Variants in CWC27 observed in about 807,000 individuals in gnomAD.
CWC27 encodes the protein spliceosome-associated protein CWC27 homolog.
Under a neutral mutation model 63.6 loss-of-function variants are expected in CWC27, and 47 were observed. That is an observed-to-expected ratio of 0.74 (90% CI 0.58 to 0.94). CWC27 has a LOEUF of 0.94. Among genes scored for constraint, CWC27 ranks in the 40% least tolerant of loss-of-function variants. The pLI is 0.00. For missense variants in CWC27, 495 were observed against 554.3 expected, an observed-to-expected ratio of 0.89 and a Z score of 1.07; for synonymous variants, 175 against 179.8, an observed-to-expected ratio of 0.97 and a Z score of 0.22.
In CWC27 at chr5:64,840,379, AAAAAAAAAAAAAAAAATATATATATAT is replaced by A. The variant is rs1460595596; in HGVS notation, c.938+35995_938+36021del. Among the ~76,000 whole-genome samples the A allele has an allele frequency of 3.5e-3, 245 of 70,192 alleles. 6 individuals carry two copies. Among genetic ancestry groups the A allele is most frequent in the African/African-American group, 0.014 (234 of 16,328 alleles). The allele number at this position is 70,192 out of a possible 152,430, so 46.0% of individuals were successfully genotyped here. A position where few individuals can be genotyped will look rare whatever the true frequency, so the allele number is the denominator to read the frequency against. On this transcript the variant is annotated intron_variant, in intron 10 of 13. Transcript: ENST00000381070. ...TTTTTCATTAAAAAAAAAAAAAAAA[AAAAAAAAAAAAAAAAATATATATATAT>A]ATATATATATATATATATATATATA... is the stretch of plus-strand genomic sequence containing the variant.
rs1744723712 is a variant in CWC27 at position 64,807,481 on chromosome 5, C to T, written c.938+3095C>T. On this transcript the variant is annotated intron_variant, in intron 10 of 13. Transcript: ENST00000381070. ...GCTCAGGGGAAATACAAATCCAAAA[C>T]GCTTCCTAGTTTCTCTCCTTAGAGA... The T allele has an allele frequency of 9.1e-6, 12 of 1,312,538 alleles. No individual in the cohort carries two copies. The African/African-American group carries it at 1.2e-4, about 13-fold the overall frequency. 81.3% of individuals were successfully genotyped at this position (1,312,538 alleles called of 1,614,324 possible). A position where few individuals can be genotyped will look rare whatever the true frequency, so the allele number is the denominator to read the frequency against.
chr5:64,800,995 C>G (rs1196270837), intron 8 of CWC27, among the ~76,000 whole-genome samples: 3 of 152,024 alleles, frequency 2.0e-5, no homozygotes, highest in African/African-American at 4.8e-5. Flanking sequence ...ATATTTCAAG[C>G]CAATAAAAGA....
chr5:64,997,698 T>C (rs2112463406), intron 13 of CWC27, among the ~76,000 whole-genome samples: 1 of 152,270 alleles, frequency 6.6e-6, no homozygotes, highest in African/African-American at 2.4e-5. Flanking sequence ...TAATGAACTG[T>C]AGGCTTTTTC....
Position 64,960,628 on chromosome 5 carries a change from GTC to G in CWC27, c.1043-11073_1043-11072del, listed in dbSNP as rs1748889543. ...CATTAACATTTTTTATATCCATCAA[GTC>G]TATTTTGTTAATCAAATGATGTTTA... On this transcript the variant is annotated intron_variant, in intron 11 of 13. Transcript: ENST00000381070. Among the ~76,000 whole-genome samples the G allele has an allele frequency of 2.6e-5, 4 of 152,020 alleles. No individual in the cohort carries two copies. In the South Asian group the frequency reaches 8.3e-4, roughly 32 times the overall value.
At chr5:64,916,541 CCA>C (rs1444283096) in intron 11 of CWC27, among the ~76,000 whole-genome samples, 4 of 152,114 alleles carry the variant, frequency 2.6e-5, no homozygotes, top group African/African-American at 9.7e-5. Context: ...CCAGGGGCAA[CCA>C]CAGAGCCTTC....
At chr5:64,989,618 G>A (rs1473510703) in intron 13 of CWC27, among the ~76,000 whole-genome samples, 2 of 152,204 alleles carry the variant, frequency 1.3e-5, no homozygotes, top group Non-Finnish European at 2.9e-5. Context: ...AAGAAAGGGA[G>A]GGATTGGTAT....
chr5:64,851,844 G>C (rs1466514571), intron 10 of CWC27, among the ~76,000 whole-genome samples: 6 of 152,134 alleles, frequency 3.9e-5, no homozygotes, highest in Non-Finnish European at 5.9e-5. Flanking sequence ...TATGCAGAAT[G>C]CTCATTTATT....
chr5:64,878,728 A>G (rs1048259474), intron 10 of CWC27, among the ~76,000 whole-genome samples: 7 of 151,904 alleles, frequency 4.6e-5, no homozygotes, highest in African/African-American at 1.7e-4. Flanking sequence ...AGTAGTGGAA[A>G]TGGCATGAAC....
intron 11 of CWC27, among the ~76,000 whole-genome samples, chr5:64,946,839 T>C (rs1171593862): frequency 2.0e-5 from 3 of 152,116 alleles, no homozygotes; most frequent in Admixed American, 2.0e-4. Context: ...TCCTTGCAGC[T>C]GATGAGGACT....
intron 11 of CWC27, among the ~76,000 whole-genome samples, chr5:64,971,324 A>G (rs1180142751): frequency 6.6e-6 from 1 of 152,216 alleles, no homozygotes; most frequent in Non-Finnish European, 1.5e-5. Context: ...ATATCAACCA[A>G]TATTTGGAAG....
chr5:65,001,167 G>T (rs575068043), intron 13 of CWC27, among the ~76,000 whole-genome samples: 81 of 151,964 alleles, frequency 5.3e-4, no homozygotes, highest in Non-Finnish European at 1.0e-3. Flanking sequence ...TTGTATGTTG[G>T]GCTTTTGTCC....
intron 11 of CWC27, among the ~76,000 whole-genome samples, chr5:64,925,169 C>G (rs1448676075): frequency 6.6e-6 from 1 of 152,158 alleles, no homozygotes; most frequent in African/African-American, 2.4e-5. Flanking sequence ...AAGAATCTTA[C>G]AGTTTCAAAT....
chr5:64,988,672 T>C (rs556095304), intron 13 of CWC27, among the ~76,000 whole-genome samples: 1 of 151,792 alleles, frequency 6.6e-6, no homozygotes, highest in South Asian at 2.1e-4. Flanking sequence ...GGTGCAATCT[T>C]GGCTCACTGC....
At chr5:64,932,278 C>T (rs1310259454) in intron 11 of CWC27, among the ~76,000 whole-genome samples, 1 of 152,038 alleles carries the variant, frequency 6.6e-6, no homozygotes, top group Non-Finnish European at 1.5e-5. Context: ...AGTGTATGCA[C>T]ACCTTCAACT....
At chr5:64,906,165 C>A (rs1580717746) in intron 11 of CWC27, among the ~76,000 whole-genome samples, 2 of 152,082 alleles carry the variant, frequency 1.3e-5, no homozygotes, top group Non-Finnish European at 2.9e-5. Flanking sequence ...TTTATAGTAG[C>A]ATGATTTATA....
chr5:64,823,110 G>C (rs1427861267), intron 10 of CWC27, among the ~76,000 whole-genome samples: 1 of 152,154 alleles, frequency 6.6e-6, no homozygotes, highest in Non-Finnish European at 1.5e-5. Context: ...TTCCTCATCA[G>C]TAAAATGCAA....
At chr5:64,882,616 C>T (rs184828499) in intron 10 of CWC27, among the ~76,000 whole-genome samples, 12 of 152,172 alleles carry the variant, frequency 7.9e-5, no homozygotes, top group East Asian at 3.9e-4. Flanking sequence ...TGTTTTGAGA[C>T]GGAGTCTCGC....
chr5:65,005,150 G>A (rs775407372), intron 13 of CWC27, among the ~76,000 whole-genome samples: 3 of 151,630 alleles, frequency 2.0e-5, no homozygotes, highest in African/African-American at 4.9e-5. Flanking sequence ...TAGCAGGCAG[G>A]GCAGGCCTGT....
intron 13 of CWC27, among the ~76,000 whole-genome samples, chr5:64,997,294 G>A (rs572101532): frequency 7.0e-4 from 107 of 152,174 alleles, no homozygotes; most frequent in Non-Finnish European, 1.4e-3. Context: ...TTCTAACTCT[G>A]TGCCCTAAAG....
Sources: allele counts gnomAD v4.1 joint callset (sites outside exome capture counted in the v4.1 genomes callset), GRCh38; gene constraint gnomAD v4.1.1; transcripts MANE v1.5; gene names NCBI Gene and HGNC (gene_info 2026-07-23, HGNC 2026-07-21).